TAFA1: variants seen among roughly 807,000 people sequenced by gnomAD.
TAFA1 encodes TAFA chemokine like family member 1, also known as chemokine-like protein TAFA-1.
In TAFA1, 4 loss-of-function variants were observed where a neutral mutation model predicts 18.5. The observed-to-expected ratio is 0.22, with a 90% CI of 0.11 to 0.49. TAFA1 has a LOEUF of 0.49. TAFA1 is among the 20% of genes least tolerant of loss of function. TAFA1 has a pLI of 0.98. For synonymous variants in TAFA1, 56 were observed against 55.2 expected (o/e 1.01, Z -0.06); for missense variants, 147 against 169.0 (o/e 0.87, Z 0.72).
chr3:68,206,846 C>T (rs542136804), intron 2 of TAFA1, among the ~76,000 whole-genome samples: 6 of 151,918 alleles, frequency 3.9e-5, no homozygotes, highest in South Asian at 2.1e-4. Flanking sequence ...TACCCTAGCC[C>T]GGAGAAAGAA....
At chr3:68,268,453 A>G (rs1471134095) in intron 2 of TAFA1, among the ~76,000 whole-genome samples, 1 of 152,158 alleles carries the variant, frequency 6.6e-6, no homozygotes, top group African/African-American at 2.4e-5. Flanking sequence ...TTCAATTGTC[A>G]GCTAAATATT....
chr3:68,273,845 C>T (rs2067728674), intron 2 of TAFA1, among the ~76,000 whole-genome samples: 1 of 152,156 alleles, frequency 6.6e-6, no homozygotes, highest in Non-Finnish European at 1.5e-5. Flanking sequence ...TTTTAAATCC[C>T]TAGGACTCAG....
intron 2 of TAFA1, among the ~76,000 whole-genome samples, chr3:68,350,426 T>A (rs1559628945): frequency 6.6e-6 from 1 of 152,140 alleles, no homozygotes; most frequent in Non-Finnish European, 1.5e-5. Flanking sequence ...GTCCTTGGAC[T>A]TTTTGCAGTA....
At chr3:68,181,277 G>A (rs1251351928) in intron 2 of TAFA1, among the ~76,000 whole-genome samples, 1 of 150,908 alleles carries the variant, frequency 6.6e-6, no homozygotes, top group African/African-American at 2.4e-5. Flanking sequence ...TAGAAACTGT[G>A]TCTTGTTTTA....
intron 2 of TAFA1, among the ~76,000 whole-genome samples, chr3:68,244,828 C>G (rs141179920): frequency 5.3e-5 from 8 of 152,072 alleles, no homozygotes; most frequent in Non-Finnish European, 1.0e-4. Flanking sequence ...GAAAAAAATG[C>G]GTGCAGGGTA....
At chr3:68,259,609 T>C (rs2067369714) in intron 2 of TAFA1, among the ~76,000 whole-genome samples, 1 of 152,168 alleles carries the variant, frequency 6.6e-6, no homozygotes, top group Non-Finnish European at 1.5e-5. Context: ...CTCTTTTATT[T>C]CATTGAGCAG....
chr3:68,006,797 C>T (rs2106768307), intron 2 of TAFA1, 53 bp downstream of exon 2: 2 of 1,255,590 alleles, frequency 1.6e-6, no homozygotes, highest in East Asian at 4.6e-5. Flanking sequence ...CCACTATTTC[C>T]TTAACAGATG....
At chr3:68,311,959 A>G (rs2068527680) in intron 2 of TAFA1, among the ~76,000 whole-genome samples, 1 of 152,172 alleles carries the variant, frequency 6.6e-6, no homozygotes, top group Admixed American at 6.5e-5. Flanking sequence ...GCATTTCCAT[A>G]CATCTGAAAT....
chr3:68,232,832 G>T (rs2066887588), intron 2 of TAFA1, among the ~76,000 whole-genome samples: 1 of 152,058 alleles, frequency 6.6e-6, no homozygotes, highest in Non-Finnish European at 1.5e-5. Context: ...TTGAACACCT[G>T]GTCTTGAGTG....
At chr3:68,484,601 A>T (rs2072303250) in intron 3 of TAFA1, among the ~76,000 whole-genome samples, 1 of 152,308 alleles carries the variant, frequency 6.6e-6, no homozygotes, top group South Asian at 2.1e-4. Context: ...GCTGGGCAGA[A>T]GCAGAATGAG....
At chr3:68,170,837 A>G (rs972442611) in intron 2 of TAFA1, among the ~76,000 whole-genome samples, 1 of 151,934 alleles carries the variant, frequency 6.6e-6, no homozygotes. Context: ...AGAGACTTCT[A>G]TGGATACAGG....
intron 3 of TAFA1, among the ~76,000 whole-genome samples, chr3:68,521,700 AAGTC>A (rs1418028334): frequency 3.3e-5 from 5 of 152,072 alleles, no homozygotes; most frequent in Admixed American, 6.5e-5. Flanking sequence ...GTATTTGAGA[AAGTC>A]AGTGGTAAAC....
rs551909773 is a variant in TAFA1 at position 68,426,867 on chromosome 3, G to C, written c.259+9447G>C. Among the ~76,000 whole-genome samples, 68 of 151,636 alleles carry C rather than the reference G, an allele frequency of 4.5e-4. 2 individuals are homozygous for C. In the South Asian group the frequency reaches 0.014, roughly 31 times the overall value. ...CAACAGGATCAGATTCATGACTGTG[G>C]GTATCATCTAAGAAATATTTCAAGA... On this transcript the variant is annotated intron_variant, in intron 3 of 4. Coordinates refer to ENST00000478136, the MANE Select transcript of TAFA1 (RefSeq NM_213609.4).
rs141440045 is a variant in TAFA1, at chr3:68,428,290, C to T, written c.259+10870C>T. ...TGACTTTATCTAAAGATCCATATCT[C>T]CAGCCTCCAGCCAAGAGAACACTGT... On this transcript the variant is annotated intron_variant, in intron 3 of 4. Transcript: ENST00000478136. 5.3e-5 allele frequency among the ~76,000 whole-genome samples: 8 copies of T among 151,974 alleles called. No homozygotes were observed. The South Asian group carries it at 1.0e-3, about 20-fold the overall frequency.
At chr3:68,292,723 T>A (rs535646221) in intron 2 of TAFA1, among the ~76,000 whole-genome samples, 1 of 152,084 alleles carries the variant, frequency 6.6e-6, no homozygotes. Flanking sequence ...TTTTAACTTT[T>A]TGGTAGACAG....
intron 2 of TAFA1, among the ~76,000 whole-genome samples, chr3:68,303,290 C>T (rs1038196948): frequency 2.0e-5 from 3 of 152,102 alleles, no homozygotes; most frequent in African/African-American, 4.8e-5. Context: ...AATAAAGATC[C>T]TTCCAAATGA....
intron 2 of TAFA1, among the ~76,000 whole-genome samples, chr3:68,022,726 A>C (rs1704717637): frequency 6.6e-6 from 1 of 150,578 alleles, no homozygotes; most frequent in Non-Finnish European, 1.5e-5. Context: ...AATGCTTGTA[A>C]ATGCATTGAG....
At chr3:68,173,213 A>T (rs2066080478) in intron 2 of TAFA1, among the ~76,000 whole-genome samples, 1 of 152,172 alleles carries the variant, frequency 6.6e-6, no homozygotes, top group Non-Finnish European at 1.5e-5. Context: ...GAAACATGAG[A>T]TACTGTTATT....
chr3:68,179,939 T>C (rs1338811068), intron 2 of TAFA1, among the ~76,000 whole-genome samples: 1 of 151,684 alleles, frequency 6.6e-6, no homozygotes, highest in Non-Finnish European at 1.5e-5. Flanking sequence ...GCTTAAACTC[T>C]ATGAACAAAT....
Sources: allele counts gnomAD v4.1 joint callset (sites outside exome capture counted in the v4.1 genomes callset), GRCh38; gene constraint gnomAD v4.1.1; transcripts MANE v1.5; gene names NCBI Gene and HGNC (gene_info 2026-07-23, HGNC 2026-07-21).